CUX1: variants seen among roughly 807,000 people sequenced by gnomAD.
CUX1 encodes the protein protein CASP.
In CUX1, 31 loss-of-function variants were observed where a neutral mutation model predicts 158.8. The observed-to-expected ratio is 0.20, with a 90% confidence interval of 0.15 to 0.26. CUX1 has a LOEUF of 0.26. Ranked by LOEUF, CUX1 falls within the 10% of genes least tolerant of loss-of-function variation. The pLI is 1.00. For synonymous variants in CUX1, 879 were observed against 862.1 expected (o/e 1.02, Z -0.34); for missense variants, 1,589 against 2,014.6 (o/e 0.79, Z 4.04).
At chr7:101,892,909 TC>T (rs1801044728) in intron 1 of CUX1, among the ~76,000 whole-genome samples, 1 of 152,106 alleles carries the variant, frequency 6.6e-6, no homozygotes, top group African/African-American at 2.4e-5. Flanking sequence ...TTTCTCTTTT[TC>T]CTTCTTCAGA....
intron 2 of CUX1, among the ~76,000 whole-genome samples, chr7:101,978,182 T>C (rs1812959243): frequency 6.6e-6 from 1 of 152,118 alleles, no homozygotes; most frequent in African/African-American, 2.4e-5. Flanking sequence ...ATGGCGTCTA[T>C]ATTTATATTA....
chr7:101,981,274 A>G (rs1813409610), intron 2 of CUX1, among the ~76,000 whole-genome samples: 2 of 151,908 alleles, frequency 1.3e-5, no homozygotes, highest in South Asian at 4.2e-4. Context: ...CTGACATAGT[A>G]TGTGTTTGTT....
chr7:102,144,435 A>G (rs549626784), intron 8 of CUX1, among the ~76,000 whole-genome samples: 39 of 152,120 alleles, frequency 2.6e-4, no homozygotes, highest in Non-Finnish European at 5.3e-4. Context: ...AGCTACTCCC[A>G]GAATCCTTTC....
At chr7:102,124,212 G>T (rs1554494412) in intron 8 of CUX1, among the ~76,000 whole-genome samples, 1 of 152,206 alleles carries the variant, frequency 6.6e-6, no homozygotes, top group Non-Finnish European at 1.5e-5. Context: ...TGAAACGGGG[G>T]TGTCATGACA....
chr7:102,143,100 G>T (rs1406806152), intron 8 of CUX1, among the ~76,000 whole-genome samples: 2 of 152,138 alleles, frequency 1.3e-5, no homozygotes, highest in African/African-American at 4.8e-5. Flanking sequence ...GGGCTCAATG[G>T]ATGGCAGGCT....
intron 2 of CUX1, among the ~76,000 whole-genome samples, chr7:101,963,407 T>C (rs1810753542): frequency 6.6e-6 from 1 of 152,130 alleles, no homozygotes; most frequent in Non-Finnish European, 1.5e-5. Context: ...CAGGCGTGGC[T>C]CCCGTCCCCG....
In CUX1 at chr7:102,082,301, C is replaced by T. The variant is rs538964974; in HGVS notation, c.268+11884C>T. 2.9e-4 allele frequency among the ~76,000 whole-genome samples: 42 copies of T among 146,600 alleles called. 6 individuals carry two copies. The highest frequency in any genetic ancestry group is 1.4e-3 in the East Asian group (7 of 5,130). ...ACCACTTTGGGAGGCTGAGGGCAGG[C>T]GGATCACCTGAGGTCAGGAGTTCGA... On this transcript the variant is annotated intron_variant, in intron 4 of 23. Coordinates refer to ENST00000292535, the MANE Select transcript of CUX1 (RefSeq NM_181552.4).
intron 20 of CUX1, among the ~76,000 whole-genome samples, chr7:102,218,718 G>T (rs946049463): frequency 4.6e-5 from 7 of 151,614 alleles, no homozygotes; most frequent in African/African-American, 1.7e-4. Context: ...AAGAATTTTG[G>T]CTCCCATGTC....
intron 1 of CUX1, among the ~76,000 whole-genome samples, chr7:101,879,738 G>GC (rs1799522505): frequency 6.6e-6 from 1 of 152,372 alleles, no homozygotes; most frequent in Non-Finnish European, 1.5e-5. Flanking sequence ...CGTGCGGCCC[G>GC]CCCGCAGGGT....
chr7:102,125,950 A>G (rs1272863081), intron 8 of CUX1, among the ~76,000 whole-genome samples: 1 of 151,512 alleles, frequency 6.6e-6, no homozygotes, highest in Non-Finnish European at 1.5e-5. Flanking sequence ...CACCTCAGCC[A>G]CCCAAGTAGC....
At chr7:102,026,544 G>T (rs1820043600) in intron 2 of CUX1, among the ~76,000 whole-genome samples, 1 of 152,028 alleles carries the variant, frequency 6.6e-6, no homozygotes. Flanking sequence ...TGTAGGCCTA[G>T]CCCGGTGGCT....
chr7:102,168,918 C>CTTTCTT (rs1791381112), intron 9 of CUX1, among the ~76,000 whole-genome samples: 3 of 84,106 alleles, frequency 3.6e-5, no homozygotes, highest in Non-Finnish European at 6.8e-5. Context: ...CTTTTATTTT[C>CTTTCTT]TTTTCTTTTC....
At position 102,028,221 on chromosome 7, in the gene CUX1, T is replaced by C. The variant is rs1820273787; in HGVS notation, c.189+76T>C. 5 of 1,503,148 alleles carry C rather than the reference T, an allele frequency of 3.3e-6. No homozygotes were observed. The Admixed American group carries it at 5.2e-5, about 15-fold the overall frequency. The allele number at this position is 1,503,148 out of a possible 1,614,324, so 93.1% of individuals were successfully genotyped here. ...GGTCTTTTTATTCACATTAAAGAAA[T>C]GCTCCGGGCAAAAGGTGCTGCCCAG... On this transcript the variant is annotated intron_variant, in intron 3 of 23. Coordinates refer to ENST00000292535, the MANE Select transcript of CUX1 (RefSeq NM_181552.4).
chr7:101,906,535 C>T (rs1343925660), intron 1 of CUX1, among the ~76,000 whole-genome samples: 2 of 151,906 alleles, frequency 1.3e-5, no homozygotes, highest in African/African-American at 4.8e-5. Context: ...TTATCGATGG[C>T]CCCCAGGAAG....
Position 101,858,865 on chromosome 7 carries a change from C to T in CUX1, c.30+41196C>T, listed in dbSNP as rs527836849. Among the ~76,000 whole-genome samples, 7 of 152,176 alleles carry T rather than the reference C, an allele frequency of 4.6e-5. No homozygotes were observed. In the South Asian group the frequency reaches 1.5e-3, roughly 32 times the overall value. ...ATTTTTAGTAGAGACTAGGTTTCGC[C>T]ATGTTGGCCAGGCTGGACTCAAACT... On this transcript the variant is annotated intron_variant, in intron 1 of 23. Coordinates refer to ENST00000292535, the MANE Select transcript of CUX1 (RefSeq NM_181552.4).
chr7:102,169,243 A>T (rs1233322115), intron 9 of CUX1, among the ~76,000 whole-genome samples: 1 of 151,500 alleles, frequency 6.6e-6, no homozygotes, highest in East Asian at 1.9e-4. Context: ...AATTTTTTGT[A>T]TTTTTAGTAG....
intron 3 of CUX1, among the ~76,000 whole-genome samples, chr7:102,059,093 G>A (rs1285196711): frequency 6.6e-6 from 1 of 152,208 alleles, no homozygotes; most frequent in African/African-American, 2.4e-5. Context: ...TGCACTGTGG[G>A]GAGAGAGAAG....
intron 3 of CUX1, among the ~76,000 whole-genome samples, chr7:102,039,184 G>A (rs1821767994): frequency 6.6e-6 from 1 of 152,186 alleles, no homozygotes; most frequent in African/African-American, 2.4e-5. Flanking sequence ...TTTATTGGAT[G>A]GGTGGATGGA....
chr7:101,967,523 C>T (rs930882572), intron 2 of CUX1, among the ~76,000 whole-genome samples: 1 of 152,192 alleles, frequency 6.6e-6, no homozygotes, highest in South Asian at 2.1e-4. Flanking sequence ...AATGCAAATT[C>T]TTTCGCAAAT....
Sources: gnomAD v4.1 joint callset for allele counts (sites outside exome capture counted in the v4.1 genomes callset) on GRCh38, gnomAD v4.1.1 for gene constraint, MANE v1.5 for transcripts, NCBI Gene and HGNC (gene_info 2026-07-23, HGNC 2026-07-21) for gene names.